Variants in ACTN2 observed in about 807,000 individuals in gnomAD.
ACTN2 encodes alpha-actinin-2.
A neutral mutation model predicts 113.8 loss-of-function variants in ACTN2; 39 were observed. The ratio of observed to expected loss-of-function variants is 0.34; its 90% confidence interval spans 0.27 to 0.45. The LOEUF is 0.45. Among genes scored for constraint, ACTN2 ranks in the 20% least tolerant of loss-of-function variants. The pLI, the probability that ACTN2 is intolerant of heterozygous loss-of-function variation, is 1.00. For synonymous variants in ACTN2, 429 were observed against 444.1 expected (o/e 0.97, Z 0.43); for missense variants, 992 against 1,177.9 (o/e 0.84, Z 2.31).
At chr1:236,689,350 T>A (rs1461844209) in intron 1 of ACTN2, among the ~76,000 whole-genome samples, 1 of 142,940 alleles carries the variant, frequency 7.0e-6, no homozygotes, top group Non-Finnish European at 1.5e-5. Flanking sequence ...CACACACATA[T>A]GTATATTTTA....
chr1:236,718,110 A>G (rs2102893735), intron 2 of ACTN2, 138 bp downstream of exon 2: 2 of 704,028 alleles, frequency 2.8e-6, no homozygotes, highest in Non-Finnish European at 2.5e-6. Context: ...AAACCTTTCC[A>G]AAGAACAATC....
intron 12 of ACTN2, among the ~76,000 whole-genome samples, chr1:236,745,959 C>A (rs1377238271): frequency 6.6e-6 from 1 of 151,822 alleles, no homozygotes; most frequent in African/African-American, 2.4e-5. Context: ...GTCAGGAGAT[C>A]AAGACCATCC....
rs758712415 is a variant in ACTN2 at position 236,737,190 on chromosome 1, A to G, written c.852A>G (p.Glu284=). ...ATCAAGAGAATGAGAGGCTGATGGA[A>G]GAATATGAGAGGCTAGCGAGTGAGG... The part of the protein sequence containing the change: ...AVNQENERLM[E]EYERLASELL... The change falls in exon 9 of 21, where the codon GAA becomes GAG. Residue 284 remains glutamate (E), a synonymous_variant. Transcript: ENST00000366578. 1 of 1,600,608 alleles carries G rather than the reference A, an allele frequency of 6.2e-7. No homozygotes were observed. The highest frequency in any genetic ancestry group is 1.1e-5 in the South Asian group (1 of 90,870).
chr1:236,730,393 A>C (rs1372233365), intron 6 of ACTN2, among the ~76,000 whole-genome samples: 2 of 152,122 alleles, frequency 1.3e-5, no homozygotes, highest in Non-Finnish European at 2.9e-5. Flanking sequence ...TTCACTGTAT[A>C]AAAATGATTG....
intron 1 of ACTN2, among the ~76,000 whole-genome samples, chr1:236,707,852 C>T (rs924836429): frequency 6.6e-6 from 1 of 151,598 alleles, no homozygotes; most frequent in Non-Finnish European, 1.5e-5. Context: ...GCTGGGACTA[C>T]AGGCACAAGG....
At position 236,695,228 on chromosome 1, in the gene ACTN2, A is replaced by AC. The variant is rs1657453212; in HGVS notation, c.126+8429_126+8430insC. ...CTAAAAATACAAAAAAAAAAAAAAA[A>AC]TTAGCTGGGTATGGTGATGTCTGCC... On this transcript the variant is annotated intron_variant, in intron 1 of 20. Coordinates refer to ENST00000366578, the MANE Select transcript of ACTN2 (RefSeq NM_001103.4). Among the ~76,000 whole-genome samples the AC allele has an allele frequency of 2.0e-5, 3 of 150,204 alleles. No individual in the cohort carries two copies. The South Asian group carries it at 6.3e-4, about 32-fold the overall frequency.
At chr1:236,752,824 A>G (rs1239227509) in intron 15 of ACTN2, among the ~76,000 whole-genome samples, 1 of 152,170 alleles carries the variant, frequency 6.6e-6, no homozygotes, top group African/African-American at 2.4e-5. Flanking sequence ...AAGTGCTGGG[A>G]TTACAGGTGT....
Position 236,757,499 on chromosome 1 carries a change from G to A in ACTN2, c.2168G>A (p.Gly723Glu), listed in dbSNP as rs906925808. 2 of 1,614,156 alleles carry A rather than the reference G, an allele frequency of 1.2e-6. No individual in the cohort carries two copies. The highest frequency in any genetic ancestry group is 1.7e-6 in the Non-Finnish European group (2 of 1,180,028). The stretch of plus-strand genomic sequence containing the variant: ...TTCCCTCAATAGCACATTCGTGTTG[G>A]ATGGGAGCTGCTGCTGACAACCATC... ...TNYTMEHIRV[G>E]WELLLTTIAR... is the part of the protein sequence containing the mutation. Residue 723 changes from glycine (G) to glutamate (E), a missense_variant, in exon 18 of 21, where the codon GGA (glycine) becomes GAA (glutamate). Coordinates refer to ENST00000366578, the MANE Select transcript of ACTN2 (RefSeq NM_001103.4).
intron 18 of ACTN2, 86 bp from the exon 19 acceptor site, chr1:236,759,638 C>G (rs1038345353): frequency 8.5e-7 from 1 of 1,172,612 alleles, no homozygotes; most frequent in African/African-American, 1.5e-5. Flanking sequence ...AAGTGCTTCT[C>G]TTACCAGATC....
In ACTN2 at chr1:236,761,187, G is replaced by C. The variant is rs750980164; in HGVS notation, c.2526+14G>C. ...GCTTCTGATAAGGTCTGCATTGACA[G>C]ATTTCCTTCTGCTTTAGCAGGAGTC... On this transcript the variant is annotated intron_variant, in intron 20 of 20. Coordinates refer to ENST00000366578, the MANE Select transcript of ACTN2 (RefSeq NM_001103.4). The C allele has an allele frequency of 1.2e-6, 2 of 1,614,076 alleles. No individual in the cohort carries two copies. Among genetic ancestry groups the C allele is most frequent in the South Asian group, 2.2e-5 (2 of 91,070 alleles).
intron 15 of ACTN2, 82 bp from the exon 16 acceptor site, chr1:236,753,865 C>CCA: frequency 7.2e-7 from 1 of 1,394,006 alleles, no homozygotes; most frequent in Non-Finnish European, 1.0e-6. Context: ...ACCCCCACCC[C>CCA]TTGGACTATT....
In ACTN2 at chr1:236,754,610, A is replaced by T. The variant is rs746461727; in HGVS notation, c.1975-409A>T. On this transcript the variant is annotated intron_variant, in intron 16 of 20. Coordinates refer to ENST00000366578, the MANE Select transcript of ACTN2 (RefSeq NM_001103.4). This position sits in a 1 kb window ranked among gnomAD's most constrained non-coding sequence, Gnocchi z 4.9. The stretch of plus-strand genomic sequence containing the variant: ...CTTAAAGCGGAGACCATGTAAAAAT[A>T]TAAGAAATTCTGATGGAGGAAGCAT... Among the ~76,000 whole-genome samples, 2 of 152,194 alleles carry T rather than the reference A, an allele frequency of 1.3e-5. No homozygotes were observed. The highest frequency in any genetic ancestry group is 2.9e-5 in the Non-Finnish European group (2 of 68,038).
chr1:236,727,570 G>C, intron 5 of ACTN2, 108 bp from the exon 6 acceptor site: 3 of 1,148,098 alleles, frequency 2.6e-6, no homozygotes, highest in Non-Finnish European at 3.9e-6. Flanking sequence ...GGGGCCCTCC[G>C]TGCATGAAGT....
intron 12 of ACTN2, among the ~76,000 whole-genome samples, chr1:236,745,320 G>A (rs1184078101): frequency 6.6e-6 from 1 of 152,148 alleles, no homozygotes; most frequent in East Asian, 1.9e-4. Context: ...TGTAGTCCCA[G>A]CTGCTCGGGA....
chr1:236,761,444 T>C (rs1386189727), intron 20 of ACTN2, among the ~76,000 whole-genome samples: 3 of 151,870 alleles, frequency 2.0e-5, no homozygotes, highest in Non-Finnish European at 2.9e-5. Context: ...TGTGTGTGTG[T>C]GTGTGTGTGT....
chr1:236,710,135 T>G (rs2102881909), intron 1 of ACTN2, among the ~76,000 whole-genome samples: 1 of 152,362 alleles, frequency 6.6e-6, no homozygotes, highest in South Asian at 2.1e-4. Context: ...TCTGTGTACC[T>G]AGGTAATAAT....
At chr1:236,690,844 C>A (rs1323256061) in intron 1 of ACTN2, among the ~76,000 whole-genome samples, 2 of 152,132 alleles carry the variant, frequency 1.3e-5, no homozygotes, top group African/African-American at 4.8e-5. Context: ...CAACCATCAC[C>A]ACTCTGTGTC....
chr1:236,737,297 G>GTATTTATATATATATATATATATATATA lies in ACTN2; in HGVS notation c.876+83_876+84insTATTTATATATATATATATATATATATA. 47 of 322,232 alleles carry GTATTTATATATATATATATATATATATA rather than the reference G, an allele frequency of 1.5e-4. 1 individual carries two copies. Among genetic ancestry groups the GTATTTATATATATATATATATATATATA allele is most frequent in the South Asian group, 2.1e-4 (9 of 43,804 alleles). 20.0% of individuals were successfully genotyped at this position (322,232 alleles called of 1,614,324 possible). ...GAGGGTGAAAAAATACTCCGTGGGG[G>GTATTTATATATATATATATATATATATA]CATATATATATATATATATATTTTG... On this transcript the variant is annotated intron_variant, in intron 9 of 20. Coordinates refer to ENST00000366578, the MANE Select transcript of ACTN2 (RefSeq NM_001103.4).
intron 1 of ACTN2, among the ~76,000 whole-genome samples, chr1:236,709,220 GTATA>G (rs758619189): frequency 0.016 from 1,041 of 66,768 alleles, 20 homozygotes; most frequent in African/African-American, 0.049. Flanking sequence ...ACAAATGACT[GTATA>G]TATATATATA....
Sources: gnomAD v4.1 joint callset for allele counts (sites outside exome capture counted in the v4.1 genomes callset) on GRCh38, gnomAD v4.1.1 for gene constraint, Gnocchi (gnomAD v3.1) non-coding constraint, MANE v1.5 for transcripts, NCBI Gene and HGNC (gene_info 2026-07-23, HGNC 2026-07-21) for gene names.